HSD3B1: variants seen among roughly 807,000 people sequenced by gnomAD.
HSD3B1 encodes the protein hydroxy-delta-5-steroid dehydrogenase, 3 beta- and steroid delta-isomerase 1, also known as 3 beta-hydroxysteroid dehydrogenase/Delta 5-->4-isomerase type 1.
Under a neutral mutation model 10.4 loss-of-function variants are expected in HSD3B1, and 11 were observed. The ratio of observed to expected loss-of-function variants is 1.05; its 90% CI spans 0.66 to 1.75. The LOEUF (loss-of-function observed/expected upper bound fraction) is 1.75. HSD3B1 is among the 40% of genes most tolerant of loss of function. The probability of loss-of-function intolerance (pLI) is 0.00; values close to 1 mark genes in which losing one functional copy is unlikely to be tolerated. For missense variants in HSD3B1, 490 were observed against 454.5 expected, an observed-to-expected ratio of 1.08 and a Z score of -0.71; for synonymous variants, 217 against 185.4, an observed-to-expected ratio of 1.17 and a Z score of -1.39.
intron 2 of HSD3B1, among the ~76,000 whole-genome samples, chr1:119,510,712 GTTTTCTTTTTTTTTTTTT>G (rs1334039515): frequency 0.039 from 1,522 of 39,030 alleles, 192 homozygotes; most frequent in African/African-American, 0.084. Context: ...TGCTTGTGTG[GTTTTCTTTTTTTTTTTTT>G]TTTTTTTTTT....
At position 119,507,393 on chromosome 1, in the gene HSD3B1, C is replaced by A; in HGVS notation, c.-84C>A. Reference sequence around the variant, plus strand: ...TAACCATTTGACATCTCTTTTTAGCCCTCTCCAGGGTCACCCTAGAATCAG... The same window carrying A: ...TAACCATTTGACATCTCTTTTTAGCACTCTCCAGGGTCACCCTAGAATCAG... On this transcript the variant is annotated splice_region_variant and 5_prime_UTR_variant, in exon 2 of 4. Coordinates refer to ENST00000369413, the MANE Select transcript of HSD3B1 (RefSeq NM_000862.3). The A allele has an allele frequency of 7.1e-7, 1 of 1,411,302 alleles. No individual in the cohort carries two copies. The highest frequency in any genetic ancestry group is 1.0e-6 in the Non-Finnish European group (1 of 1,000,858). 87.4% of individuals were successfully genotyped at this position (1,411,302 alleles called of 1,614,324 possible).
Position 119,514,202 on chromosome 1 carries a change from G to A in HSD3B1, c.679G>A (p.Gly227Ser). 1 of 1,614,090 alleles carries A rather than the reference G, an allele frequency of 6.2e-7. No individual in the cohort carries two copies. The highest frequency in any genetic ancestry group is 8.5e-7 in the Non-Finnish European group (1 of 1,180,012). ...CTCCACTGTTAACCCAGTCTATGTT[G>A]GCAATGTGGCCTGGGCCCACATTCT... ...KFSTVNPVYV[G>S]NVAWAHILAL... Residue 227 changes from glycine (G) to serine (S), a missense_variant, in exon 4 of 4, where the codon GGC (glycine) becomes AGC (serine). Coordinates refer to ENST00000369413, the MANE Select transcript of HSD3B1 (RefSeq NM_000862.3).
intron 2 of HSD3B1, 65 bp downstream of exon 2, chr1:119,507,686 TG>T (rs1653828527): frequency 3.9e-6 from 6 of 1,524,896 alleles, no homozygotes; most frequent in Non-Finnish European, 5.5e-6. Flanking sequence ...TGGGGGGAGA[TG>T]GACCTTGTCT....
chr1:119,513,958 G>A lies in HSD3B1; in HGVS notation c.435G>A (p.Glu145=), dbSNP rs1355337567. The change falls in exon 4 of 4, where the codon GAG becomes GAA. Residue 145 remains glutamate, a synonymous_variant. Transcript: ENST00000369413. The stretch of plus-strand genomic sequence containing the variant: ...TCATCCAGAATGGCCATGAAGAAGA[G>A]CCTCTGGAAAACACATGGCCCGCTC... The part of the protein sequence containing the change: ...KEIIQNGHEE[E]PLENTWPAPY... 8 of 1,613,994 alleles carry A rather than the reference G, an allele frequency of 5.0e-6. No individual in the cohort carries two copies. The highest frequency in any genetic ancestry group is 1.3e-5 in the African/African-American group (1 of 74,896).
At chr1:119,507,815 A>C (rs1340504168) in intron 2 of HSD3B1, 194 bp downstream of exon 2, 2 of 553,454 alleles carry the variant, frequency 3.6e-6, no homozygotes, top group Non-Finnish European at 6.3e-6. Flanking sequence ...TGGGATTTCC[A>C]GAGACTAGAT....
intron 2 of HSD3B1, among the ~76,000 whole-genome samples, chr1:119,508,634 T>C (rs1001912217): frequency 3.3e-5 from 5 of 152,214 alleles, no homozygotes; most frequent in Non-Finnish European, 5.9e-5. Flanking sequence ...CTTGGCAAAG[T>C]GGATCTTCAG....
intron 2 of HSD3B1, 21 bp downstream of exon 2, chr1:119,507,642 G>GGT: frequency 1.9e-6 from 3 of 1,613,378 alleles, no homozygotes; most frequent in Non-Finnish European, 1.7e-6. Context: ...TTGGGTCATG[G>GGT]GTGTGTGGTT....
chr1:119,510,712 GTTTTCTTTTTTTTTTTTTTTTTTTTTTT>G (rs980381489), intron 2 of HSD3B1, among the ~76,000 whole-genome samples: 1 of 39,060 alleles, frequency 2.6e-5, no homozygotes, highest in African/African-American at 5.9e-5. Flanking sequence ...TGCTTGTGTG[GTTTTCTTTTTTTTTTTTTTTTTTTTTTT>G]TTTTTTTTTT....
intron 3 of HSD3B1, 30 bp downstream of exon 3, chr1:119,511,697 A>G (rs756551916): frequency 6.2e-7 from 1 of 1,606,170 alleles, no homozygotes; most frequent in South Asian, 1.1e-5. Flanking sequence ...AGATGCAGCA[A>G]GGTGGGGAAT....
chr1:119,508,504 A>G (rs190636408), intron 2 of HSD3B1, among the ~76,000 whole-genome samples: 1 of 152,334 alleles, frequency 6.6e-6, no homozygotes, highest in Admixed American at 6.5e-5. Context: ...CCAACAGGAC[A>G]ATGAACGCAT....
intron 2 of HSD3B1, 179 bp downstream of exon 2, chr1:119,507,800 C>T (rs983767714): frequency 8.2e-6 from 5 of 609,568 alleles, no homozygotes; most frequent in Non-Finnish European, 1.4e-5. Flanking sequence ...ATGAAAGATA[C>T]TGGGTGGGAT....
chr1:119,507,939 C>T (rs1341513148), intron 2 of HSD3B1: 1 of 292,126 alleles, frequency 3.4e-6, no homozygotes. Flanking sequence ...CTTTTATGTT[C>T]TGAAGCTTTT....
rs1653933765 is a variant in HSD3B1, at chr1:119,511,423, C to T, written c.146-80C>T. 1.3e-5 allele frequency: 18 copies of T among 1,410,566 alleles called. No homozygotes were observed. In the South Asian group the frequency reaches 1.5e-4, roughly 12 times the overall value. 87.4% of individuals were successfully genotyped at this position (1,410,566 alleles called of 1,614,324 possible). A position where few individuals can be genotyped will look rare whatever the true frequency, so the allele number is the denominator to read the frequency against. ...CCCTACTCTAACCATCCTTGAACAC[C>T]TATGTAACATCACCTTTATCAGAAA... On this transcript the variant is annotated intron_variant, in intron 2 of 3. Transcript: ENST00000369413.
At chr1:119,512,865 T>C (rs1317122687) in intron 3 of HSD3B1, among the ~76,000 whole-genome samples, 1 of 152,238 alleles carries the variant, frequency 6.6e-6, no homozygotes, top group Non-Finnish European at 1.5e-5. Flanking sequence ...TGAGGCTGTC[T>C]TTCCAGAAAC....
intron 2 of HSD3B1, among the ~76,000 whole-genome samples, chr1:119,510,975 C>T (rs587733893): frequency 4.6e-5 from 7 of 151,934 alleles, no homozygotes; most frequent in South Asian, 2.1e-4. Context: ...CAACCTCCTG[C>T]GCTCCAGTGA....
At chr1:119,510,712 G>GTTTTTTTTTTTTTT (rs1265546430) in intron 2 of HSD3B1, among the ~76,000 whole-genome samples, 7 of 39,060 alleles carry the variant, frequency 1.8e-4, no homozygotes, top group Non-Finnish European at 4.9e-4. Flanking sequence ...TGCTTGTGTG[G>GTTTTTTTTTTTTTT]TTTTCTTTTT....
In HSD3B1 at chr1:119,514,331, T is replaced by C. The variant is rs752727466; in HGVS notation, c.808T>C (p.Tyr270His). Residue 270 changes from tyrosine to histidine, a missense_variant, in exon 4 of 4, where the codon TAC becomes CAC. Tyr to His is a moderately conservative substitution (Grantham distance 83). Transcript: ENST00000369413. Reference protein sequence around the residue: ...TPHQSYDNLNYTLSKEFGLRL... With the variant: ...TPHQSYDNLNHTLSKEFGLRL... ...TCACCAAAGCTATGATAACCTTAAT[T>C]ACACCCTGAGCAAAGAGTTCGGCCT... 6 of 1,614,098 alleles carry C rather than the reference T, an allele frequency of 3.7e-6. No homozygotes were observed. Among genetic ancestry groups the C allele is most frequent in the South Asian group, 1.1e-5 (1 of 91,080 alleles).
chr1:119,511,839 T>A, intron 3 of HSD3B1, 172 bp downstream of exon 3: 1 of 631,294 alleles, frequency 1.6e-6, no homozygotes, highest in Non-Finnish European at 2.8e-6. Flanking sequence ...GTTTTTTAGA[T>A]GATAAAACTA....
In HSD3B1 at chr1:119,514,352, G is replaced by C. The variant is rs377703942; in HGVS notation, c.829G>C (p.Gly277Arg). The C allele has an allele frequency of 3.7e-6, 6 of 1,613,966 alleles. No individual in the cohort carries two copies. In the African/African-American group the frequency reaches 6.7e-5, roughly 18 times the overall value. ...TAATTACACCCTGAGCAAAGAGTTC[G>C]GCCTCCGCCTTGATTCCAGATGGAG... Reference protein sequence around the residue: ...NLNYTLSKEFGLRLDSRWSFP... With the variant: ...NLNYTLSKEFRLRLDSRWSFP... The change falls in exon 4 of 4, where the codon GGC becomes CGC. Residue 277 changes from glycine to arginine, a missense_variant. Transcript: ENST00000369413.
Sources: gnomAD v4.1 joint callset for allele counts (sites outside exome capture counted in the v4.1 genomes callset) on GRCh38, gnomAD v4.1.1 for gene constraint, MANE v1.5 for transcripts, NCBI Gene and HGNC (gene_info 2026-07-23, HGNC 2026-07-21) for gene names.